CDH19: variants seen among roughly 807,000 people sequenced by gnomAD.
The protein encoded by CDH19 is cadherin-19.
In CDH19, 67 loss-of-function variants were observed where a neutral mutation model predicts 64.2. The ratio of observed to expected loss-of-function variants is 1.04; its 90% CI spans 0.86 to 1.28. The LOEUF (loss-of-function observed/expected upper bound fraction) is 1.28, where lower values mean the gene tolerates loss of function less well. CDH19 is among the 50% of genes most tolerant of loss of function. CDH19 has a pLI of 0.00. For synonymous variants in CDH19, 346 were observed against 319.3 expected (o/e 1.08, Z -0.89); for missense variants, 1,030 against 929.0 (o/e 1.11, Z -1.41).
At chr18:66,532,587 C>T (rs1045222911) in intron 8 of CDH19, 20 of 341,254 alleles carry the variant, frequency 5.9e-5, no homozygotes, top group African/African-American at 2.9e-4. Flanking sequence ...CCCTTTGAAG[C>T]GTATGGAAAT....
intron 3 of CDH19, 53 bp from the exon 4 acceptor site, chr18:66,554,577 T>C: frequency 6.6e-7 from 1 of 1,522,238 alleles, no homozygotes; most frequent in Non-Finnish European, 9.0e-7. Flanking sequence ...TCAGGATGAA[T>C]TCAGTTCTGT....
At chr18:66,573,610 C>A (rs909638018) in intron 1 of CDH19, among the ~76,000 whole-genome samples, 1 of 136,318 alleles carries the variant, frequency 7.3e-6, no homozygotes, top group Non-Finnish European at 1.6e-5. Context: ...GGAACTGGTA[C>A]AATATTATTC....
chr18:66,538,438 A>G (rs1204339195), intron 7 of CDH19, among the ~76,000 whole-genome samples: 1 of 152,048 alleles, frequency 6.6e-6, no homozygotes, highest in Non-Finnish European at 1.5e-5. Context: ...ACACAGAACA[A>G]TTTTATCACC....
At chr18:66,546,071 G>A (rs1274014483) in intron 5 of CDH19, among the ~76,000 whole-genome samples, 2 of 151,854 alleles carry the variant, frequency 1.3e-5, no homozygotes, top group African/African-American at 4.8e-5. Flanking sequence ...ATGTCAAGCG[G>A]CATCAGCAAA....
chr18:66,507,725 C>A (rs1037888901), intron 11 of CDH19, among the ~76,000 whole-genome samples: 2 of 151,872 alleles, frequency 1.3e-5, no homozygotes, highest in Non-Finnish European at 2.9e-5. Context: ...TTCTCTTATA[C>A]ATTCCTCATT....
chr18:66,508,728 G>T (rs891780426), intron 11 of CDH19, among the ~76,000 whole-genome samples: 1 of 128,838 alleles, frequency 7.8e-6, no homozygotes, highest in Non-Finnish European at 1.6e-5. Context: ...TATGTGTCAA[G>T]AACATGCATA....
At chr18:66,547,095 G>C (rs900526907) in intron 5 of CDH19, among the ~76,000 whole-genome samples, 2 of 152,072 alleles carry the variant, frequency 1.3e-5, no homozygotes, top group African/African-American at 4.8e-5. Context: ...GAGAACAATG[G>C]TGTAAGCAAA....
At chr18:66,535,184 T>TA (rs1473089960) in intron 7 of CDH19, 77 bp from the exon 8 acceptor site, 1 of 852,070 alleles carries the variant, frequency 1.2e-6, no homozygotes, top group Non-Finnish European at 1.7e-6. Flanking sequence ...CTTTAAGCAA[T>TA]AAGACATCTT....
chr18:66,587,577 G>A (rs958735860), intron 1 of CDH19, among the ~76,000 whole-genome samples: 1 of 152,094 alleles, frequency 6.6e-6, no homozygotes, highest in Non-Finnish European at 1.5e-5. Context: ...AAGGTTACAT[G>A]ACTGGTTTTA....
intron 3 of CDH19, among the ~76,000 whole-genome samples, chr18:66,558,792 A>G (rs1249020669): frequency 6.6e-6 from 1 of 152,092 alleles, no homozygotes; most frequent in African/African-American, 2.4e-5. Context: ...TAGGTTAACT[A>G]ACACTTGTTG....
rs1353026446 is a variant in CDH19 at position 66,572,231 on chromosome 18, T to C, written c.-27A>G. 2 of 1,579,066 alleles carry C rather than the reference T, an allele frequency of 1.3e-6. No individual in the cohort carries two copies. Among genetic ancestry groups the C allele is most frequent in the East Asian group, 4.5e-5 (2 of 44,490 alleles). On this transcript the variant is annotated 5_prime_UTR_variant, in exon 2 of 12. Transcript: ENST00000262150. ...GCGTTGACTCTTTTGATTCCAACTA[T>C]TACTCTTCAGAGGAAACAGGACGTC...
At chr18:66,532,588 G>A (rs534343999) in intron 8 of CDH19, 8 of 358,004 alleles carry the variant, frequency 2.2e-5, no homozygotes, top group Admixed American at 1.1e-4. Flanking sequence ...CCTTTGAAGC[G>A]TATGGAAATC....
intron 1 of CDH19, among the ~76,000 whole-genome samples, chr18:66,574,532 T>C (rs1988209278): frequency 6.6e-6 from 1 of 151,582 alleles, no homozygotes; most frequent in Non-Finnish European, 1.5e-5. Context: ...AAGACAAATA[T>C]AAATCTTCTG....
At chr18:66,539,851 T>C (rs768834378) in intron 7 of CDH19, among the ~76,000 whole-genome samples, 46 of 152,202 alleles carry the variant, frequency 3.0e-4, no homozygotes, top group Middle Eastern at 3.4e-3. Context: ...TGTGTATGTA[T>C]ACATATTTAT....
At chr18:66,603,135 A>C (rs1317875537) in intron 1 of CDH19, among the ~76,000 whole-genome samples, 1 of 150,726 alleles carries the variant, frequency 6.6e-6, no homozygotes, top group African/African-American at 2.4e-5. Context: ...CACTCTATTT[A>C]GGTATTTTTT....
chr18:66,505,242 T>G lies in CDH19; in HGVS notation c.1889A>C (p.Lys630Thr), dbSNP rs746629934. Residue 630 changes from lysine to threonine, a missense_variant, in exon 12 of 12, where the codon AAA (lysine) becomes ACA (threonine). Lys to Thr is a moderately conservative substitution (Grantham distance 78). Transcript: ENST00000262150. Reference sequence around the variant, plus strand: ...TATATTCTCTCTGAAATCTTCACTTTTCTCAGGAAATAGAATCTGTTTTCT... The same window carrying G: ...TATATTCTCTCTGAAATCTTCACTTGTCTCAGGAAATAGAATCTGTTTTCT... ...QRRKQILFPE[K>T]SEDFRENIFQ... 6.3e-7 allele frequency: 1 copy of G among 1,599,546 alleles called. No individual in the cohort carries two copies. Among genetic ancestry groups the G allele is most frequent in the Non-Finnish European group, 8.5e-7 (1 of 1,175,710 alleles).
intron 8 of CDH19, among the ~76,000 whole-genome samples, chr18:66,534,783 T>C (rs1464453501): frequency 6.6e-6 from 1 of 151,962 alleles, no homozygotes. Flanking sequence ...TTTACTGTTA[T>C]AATTAGAAAA....
chr18:66,601,993 T>C (rs560192111), intron 1 of CDH19, among the ~76,000 whole-genome samples: 6 of 152,092 alleles, frequency 3.9e-5, no homozygotes, highest in African/African-American at 1.4e-4. Flanking sequence ...CCATACTTAG[T>C]TGTGTTTCAA....
In CDH19 at chr18:66,502,870, C is replaced by G. The variant is rs867051638; in HGVS notation, c.*1942G>C. On this transcript the variant is annotated 3_prime_UTR_variant, in exon 12 of 12. Coordinates refer to ENST00000262150, the MANE Select transcript of CDH19 (RefSeq NM_021153.4). ...TCACTTCAAATCTGGTTTTCTCAAG[C>G]TTTTGTGAAATGATAATATTTGTGT... 1 of 151,812 alleles carries G rather than the reference C, an allele frequency of 6.6e-6. No homozygotes were observed. Among genetic ancestry groups the G allele is most frequent in the South Asian group, 2.1e-4 (1 of 4,824 alleles). The allele number at this position is 151,812 out of a possible 1,614,324, so 9.4% of individuals were successfully genotyped here. A position where few individuals can be genotyped will look rare whatever the true frequency, so the allele number is the denominator to read the frequency against.
Sources: allele counts gnomAD v4.1 joint callset (sites outside exome capture counted in the v4.1 genomes callset), GRCh38; gene constraint gnomAD v4.1.1; transcripts MANE v1.5; gene names NCBI Gene and HGNC (gene_info 2026-07-23, HGNC 2026-07-21).